PDE4D: variants seen among roughly 807,000 people sequenced by gnomAD.
PDE4D encodes phosphodiesterase 4D, also known as 3',5'-cyclic-AMP phosphodiesterase 4D.
A neutral mutation model predicts 87.4 loss-of-function variants in PDE4D; 24 were observed. The ratio of observed to expected loss-of-function variants is 0.27; its 90% CI spans 0.20 to 0.39. The LOEUF (loss-of-function observed/expected upper bound fraction) is 0.39, where lower values mean the gene tolerates loss of function less well. Ranked by LOEUF, PDE4D falls within the 10% of genes least tolerant of loss-of-function variation. PDE4D has a pLI of 1.00. For synonymous variants in PDE4D, 384 were observed against 383.2 expected (o/e 1.00, Z -0.02); for missense variants, 714 against 1,041.0 (o/e 0.69, Z 4.32).
intron 1 of PDE4D, among the ~76,000 whole-genome samples, chr5:59,596,894 GAA>G (rs1561291010): frequency 6.6e-6 from 1 of 152,134 alleles, no homozygotes; most frequent in Non-Finnish European, 1.5e-5. Context: ...CTCAGGGGCT[GAA>G]GTTACCATTT....
In PDE4D at chr5:58,972,678, C is replaced by CT. The variant is rs2153296463; in HGVS notation, c.*1985dup. The CT allele has an allele frequency of 6.6e-6, 1 of 152,224 alleles. No homozygotes were observed. The highest frequency in any genetic ancestry group is 1.9e-4 in the East Asian group (1 of 5,188). The allele number at this position is 152,224 out of a possible 1,614,324, so 9.4% of individuals were successfully genotyped here. A position where few individuals can be genotyped will look rare whatever the true frequency, so the allele number is the denominator to read the frequency against. ...TCAATGTGAAAAATGATTATTTGGGCTTTAAAGTCTTCATAGAGAAGGTAA... is the reference window on the plus strand; with the variant it reads ...TCAATGTGAAAAATGATTATTTGGGCTTTTAAAGTCTTCATAGAGAAGGTAA... On this transcript the variant is annotated 3_prime_UTR_variant, in exon 15 of 15. Transcript: ENST00000340635.
At chr5:59,280,569 A>C (rs935585754) in intron 1 of PDE4D, among the ~76,000 whole-genome samples, 14 of 152,004 alleles carry the variant, frequency 9.2e-5, no homozygotes, top group African/African-American at 3.4e-4. Context: ...CTTTATTCTA[A>C]ACTTAAATGA....
At chr5:60,183,654 T>A (rs375398639) in intron 2 of PDE4D, among the ~76,000 whole-genome samples, 1 of 152,220 alleles carries the variant, frequency 6.6e-6, no homozygotes, top group Non-Finnish European at 1.5e-5. Flanking sequence ...AACATTTTCT[T>A]TGGATTTCCA....
At chr5:59,903,850 T>G (rs1752541379) in intron 3 of PDE4D, among the ~76,000 whole-genome samples, 1 of 152,166 alleles carries the variant, frequency 6.6e-6, no homozygotes, top group South Asian at 2.1e-4. Context: ...TCTGCAAGCG[T>G]GTCTTATGTC....
intron 11 of PDE4D, among the ~76,000 whole-genome samples, chr5:58,981,754 G>C (rs530622834): frequency 6.6e-6 from 1 of 152,140 alleles, no homozygotes; most frequent in Non-Finnish European, 1.5e-5. Context: ...TGGGGTGACC[G>C]AAACCTTCAT....
intron 3 of PDE4D, among the ~76,000 whole-genome samples, chr5:59,985,813 C>T (rs1053402196): frequency 2.0e-5 from 3 of 152,158 alleles, no homozygotes; most frequent in African/African-American, 7.2e-5. Flanking sequence ...CCCTGTGGAA[C>T]CCACATATAT....
intron 1 of PDE4D, among the ~76,000 whole-genome samples, chr5:59,437,546 AAAG>A (rs2153634519): frequency 6.6e-6 from 1 of 152,314 alleles, no homozygotes; most frequent in South Asian, 2.1e-4. Context: ...CTAGTTCAGC[AAAG>A]AGGAGGGGTC....
chr5:59,109,199 T>C (rs56283992), intron 5 of PDE4D, among the ~76,000 whole-genome samples: 1 of 151,892 alleles, frequency 6.6e-6, no homozygotes, highest in Admixed American at 6.6e-5. Flanking sequence ...CATTAATCAT[T>C]AAAAAAAATT....
intron 9 of PDE4D, 134 bp downstream of exon 9, chr5:58,990,670 G>A: frequency 1.8e-6 from 1 of 541,092 alleles, no homozygotes; most frequent in South Asian, 2.9e-5. Flanking sequence ...CTTGGCAAAG[G>A]AGCAAATAAG....
chr5:59,160,341 T>C (rs1780872160), intron 5 of PDE4D, among the ~76,000 whole-genome samples: 1 of 152,202 alleles, frequency 6.6e-6, no homozygotes, highest in Non-Finnish European at 1.5e-5. Context: ...ATCCTCCTTA[T>C]ATTTTTTGTA....
chr5:59,702,821 G>A (rs1752776594), intron 1 of PDE4D, among the ~76,000 whole-genome samples: 1 of 143,010 alleles, frequency 7.0e-6, no homozygotes, highest in Non-Finnish European at 1.5e-5. Context: ...AGTGAGCCAT[G>A]ATGGTGCCAC....
intron 1 of PDE4D, among the ~76,000 whole-genome samples, chr5:59,513,785 C>T (rs1369403087): frequency 6.6e-6 from 1 of 152,214 alleles, no homozygotes; most frequent in Non-Finnish European, 1.5e-5. Flanking sequence ...AAACACGCTT[C>T]ATTGTGGACC....
intron 11 of PDE4D, among the ~76,000 whole-genome samples, chr5:58,982,993 T>A (rs980529436): frequency 6.6e-6 from 1 of 152,224 alleles, no homozygotes; most frequent in African/African-American, 2.4e-5. Flanking sequence ...TCATATTCCT[T>A]CTAAGTCCCT....
chr5:59,188,064 C>T (rs1229886099), intron 3 of PDE4D, among the ~76,000 whole-genome samples: 1 of 151,946 alleles, frequency 6.6e-6, no homozygotes, highest in Non-Finnish European at 1.5e-5. Flanking sequence ...TTACTGAAGC[C>T]CCTAAGTTAA....
Position 58,976,389 on chromosome 5 carries a change from A to G in PDE4D, c.1791T>C (p.Ser597=). The G allele has an allele frequency of 6.2e-7, 1 of 1,609,646 alleles. No homozygotes were observed. The highest frequency in any genetic ancestry group is 8.5e-7 in the Non-Finnish European group (1 of 1,178,044). ...AATAATTATCAAGAAGAAGAACTCC[A>G]GAGCTTGTCACTTTCTTAGTTTCAA... is the stretch of plus-strand genomic sequence containing the variant. ...TMVETKKVTS[S]GVLLLDNYSD... is the part of the protein sequence containing the mutation. Residue 597 remains serine (S), a synonymous_variant, in exon 13 of 15, where the codon TCT becomes TCC. Coordinates refer to ENST00000340635, the MANE Select transcript of PDE4D (RefSeq NM_001104631.2).
rs143530543 is a variant in PDE4D at position 59,022,228 on chromosome 5, A to G, written c.921+16631T>C. Among the ~76,000 whole-genome samples the G allele has an allele frequency of 4.3e-4, 65 of 152,262 alleles. 1 individual carries two copies. Among genetic ancestry groups the G allele is most frequent in the African/African-American group, 1.5e-3 (62 of 41,546 alleles). ...AAGGTTCTCCTAAAGGTTCAGTCCA[A>G]CCAGGTTTCACCAAATGAACCCTGC... On this transcript the variant is annotated intron_variant, in intron 6 of 14. Transcript: ENST00000340635.
intron 1 of PDE4D, among the ~76,000 whole-genome samples, chr5:59,802,256 T>A (rs1331566382): frequency 1.3e-5 from 2 of 151,990 alleles, no homozygotes; most frequent in African/African-American, 4.8e-5. Flanking sequence ...TTTTTAAAGT[T>A]CTCTAGGTGA....
intron 2 of PDE4D, among the ~76,000 whole-genome samples, chr5:60,115,372 A>T (rs796984423): frequency 5.3e-5 from 8 of 152,156 alleles, no homozygotes; most frequent in African/African-American, 1.9e-4. Flanking sequence ...ACACAGAAAC[A>T]CCTTCAGGGT....
intron 1 of PDE4D, among the ~76,000 whole-genome samples, chr5:60,285,168 T>C (rs747362274): frequency 6.6e-6 from 1 of 152,102 alleles, no homozygotes; most frequent in Non-Finnish European, 1.5e-5. Flanking sequence ...TCTTTACTTA[T>C]ATGTTACATC....
Sources: allele counts gnomAD v4.1 joint callset (sites outside exome capture counted in the v4.1 genomes callset), GRCh38; gene constraint gnomAD v4.1.1; transcripts MANE v1.5; gene names NCBI Gene and HGNC (gene_info 2026-07-23, HGNC 2026-07-21).